Variants in LRRC4C observed in about 807,000 individuals in gnomAD.
LRRC4C encodes leucine rich repeat containing 4C.
A neutral mutation model predicts 33.6 loss-of-function variants in LRRC4C; 5 were observed. The ratio of observed to expected loss-of-function variants is 0.15; its 90% CI spans 0.08 to 0.31. The LOEUF is 0.31. Among genes scored for constraint, LRRC4C ranks in the 10% least tolerant of loss-of-function variants. The pLI is 1.00. For synonymous variants in LRRC4C, 329 were observed against 302.0 expected (o/e 1.09, Z -0.93); for missense variants, 560 against 796.7 (o/e 0.70, Z 3.58).
intron 1 of LRRC4C, among the ~76,000 whole-genome samples, chr11:41,456,419 C>T (rs1956172703): frequency 6.6e-6 from 1 of 151,914 alleles, no homozygotes; most frequent in Non-Finnish European, 1.5e-5. Context: ...TTCCAGCTGT[C>T]AACCCTGTTT....
chr11:40,467,281 T>C (rs1952698379), intron 3 of LRRC4C, among the ~76,000 whole-genome samples: 1 of 152,176 alleles, frequency 6.6e-6, no homozygotes, highest in African/African-American at 2.4e-5. Context: ...ACTCATTCTT[T>C]AGCATTTTGT....
Position 40,115,324 on chromosome 11 carries a change from G to A in LRRC4C, c.969C>T (p.Asn323=). The A allele has an allele frequency of 2.5e-6, 4 of 1,614,140 alleles. No homozygotes were observed. Among genetic ancestry groups the A allele is most frequent in the Non-Finnish European group, 2.5e-6 (3 of 1,180,020 alleles). The part of the protein sequence containing the change: ...SWWIKDMAPS[N]TACCARCNTP... Reference sequence around the variant, plus strand: ...TGTTACACCGGGCACAACAAGCTGTGTTCGAGGGGGCCATGTCTTTTATCC... The same window carrying A: ...TGTTACACCGGGCACAACAAGCTGTATTCGAGGGGGCCATGTCTTTTATCC... The change falls in exon 7 of 7, where the codon AAC becomes AAT. Residue 323 remains asparagine (N), a synonymous_variant. Transcript: ENST00000528697. This position sits in a 1 kb window ranked among gnomAD's most constrained non-coding sequence, Gnocchi z 6.7.
intron 4 of LRRC4C, among the ~76,000 whole-genome samples, chr11:40,264,824 C>A (rs1274990292): frequency 6.6e-6 from 1 of 152,180 alleles, no homozygotes; most frequent in Admixed American, 6.5e-5. Context: ...CATCCAGATG[C>A]TCCAGTCTGC....
chr11:41,084,299 T>C (rs899556368), intron 1 of LRRC4C, among the ~76,000 whole-genome samples: 7 of 152,192 alleles, frequency 4.6e-5, no homozygotes, highest in Non-Finnish European at 8.8e-5. Flanking sequence ...ACTAGCTTTG[T>C]GATCTTGGGC....
chr11:40,362,423 A>G (rs1947997933), intron 3 of LRRC4C, among the ~76,000 whole-genome samples: 1 of 152,194 alleles, frequency 6.6e-6, no homozygotes, highest in Non-Finnish European at 1.5e-5. Flanking sequence ...ACAAGAAAAA[A>G]AAACATTAAA....
At chr11:40,189,295 A>G (rs1206732609) in intron 5 of LRRC4C, among the ~76,000 whole-genome samples, 1 of 152,096 alleles carries the variant, frequency 6.6e-6, no homozygotes, top group African/African-American at 2.4e-5. Flanking sequence ...TAAAATTGTT[A>G]TTACAAATTG....
At chr11:41,258,899 G>T (rs1384329700) in intron 1 of LRRC4C, among the ~76,000 whole-genome samples, 2 of 151,928 alleles carry the variant, frequency 1.3e-5, no homozygotes, top group East Asian at 3.9e-4. Context: ...AATCCCCACT[G>T]TTTCTAGTAC....
At chr11:40,956,835 C>T (rs1377542071) in intron 1 of LRRC4C, among the ~76,000 whole-genome samples, 1 of 151,556 alleles carries the variant, frequency 6.6e-6, no homozygotes, top group Non-Finnish European at 1.5e-5. Flanking sequence ...TAAGAAATCT[C>T]TTCATAGGCA....
At chr11:40,772,258 G>A (rs777058066) in intron 2 of LRRC4C, among the ~76,000 whole-genome samples, 3 of 152,126 alleles carry the variant, frequency 2.0e-5, no homozygotes, top group Non-Finnish European at 2.9e-5. Flanking sequence ...TGGGGAATAA[G>A]CCTCTTATAA....
chr11:40,496,916 A>G (rs529655777), intron 3 of LRRC4C, among the ~76,000 whole-genome samples: 16 of 152,312 alleles, frequency 1.1e-4, no homozygotes, highest in African/African-American at 3.8e-4. Flanking sequence ...AATGCTATGG[A>G]AAGTGATGGC....
chr11:41,187,213 A>C (rs1319912452), intron 1 of LRRC4C, among the ~76,000 whole-genome samples: 1 of 152,170 alleles, frequency 6.6e-6, no homozygotes, highest in Non-Finnish European at 1.5e-5. Flanking sequence ...TTCTGTTTTC[A>C]TGCCCAAATG....
At chr11:41,293,317 G>A (rs577601573) in intron 1 of LRRC4C, among the ~76,000 whole-genome samples, 6 of 152,012 alleles carry the variant, frequency 3.9e-5, no homozygotes, top group African/African-American at 1.4e-4. Flanking sequence ...ATGTTCTATA[G>A]TAATTACTGA....
At chr11:40,367,047 C>A (rs922698848) in intron 3 of LRRC4C, among the ~76,000 whole-genome samples, 1 of 152,042 alleles carries the variant, frequency 6.6e-6, no homozygotes, top group Admixed American at 6.6e-5. Flanking sequence ...GGAATGAAGG[C>A]ACAGATGTGA....
chr11:40,788,821 C>T (rs547136309), intron 2 of LRRC4C, among the ~76,000 whole-genome samples: 2 of 152,168 alleles, frequency 1.3e-5, no homozygotes, highest in East Asian at 1.9e-4. Flanking sequence ...AGGCCGGGCA[C>T]GGTGGCTCAC....
intron 3 of LRRC4C, 68 bp downstream of exon 3, chr11:40,648,074 A>G (rs1023037197): frequency 1.2e-4 from 18 of 152,190 alleles, no homozygotes; most frequent in African/African-American, 4.1e-4. Flanking sequence ...TCTGAAATGT[A>G]ATTAACAACC....
At chr11:40,927,753 C>T (rs943312348) in intron 2 of LRRC4C, among the ~76,000 whole-genome samples, 1 of 151,760 alleles carries the variant, frequency 6.6e-6, no homozygotes, top group African/African-American at 2.4e-5. Flanking sequence ...TCTATTATTA[C>T]AACTAAATTG....
intron 2 of LRRC4C, among the ~76,000 whole-genome samples, chr11:40,825,404 G>A (rs1952118154): frequency 6.6e-6 from 1 of 151,938 alleles, no homozygotes; most frequent in African/African-American, 2.4e-5. Context: ...CCTCATTGGA[G>A]TACTGCCTAG....
At position 41,264,003 on chromosome 11, in the gene LRRC4C, T is replaced by G. The variant is rs112160021; in HGVS notation, c.-496+195428A>C. ...TGTCTATCATCCAGAATCAATCTAC[T>G]TGATACTTCTAATTTATCATAAAGT... is the stretch of plus-strand genomic sequence containing the variant. On this transcript the variant is annotated intron_variant, in intron 1 of 6. Coordinates refer to ENST00000528697, the MANE Select transcript of LRRC4C (RefSeq NM_001258419.2). Among the ~76,000 whole-genome samples, 852 of 152,232 alleles carry G rather than the reference T, an allele frequency of 5.6e-3. 4 individuals are homozygous for G. The highest frequency in any genetic ancestry group is 0.018 in the African/African-American group (765 of 41,556).
chr11:41,151,050 C>T (rs1943977851), intron 1 of LRRC4C, among the ~76,000 whole-genome samples: 1 of 151,676 alleles, frequency 6.6e-6, no homozygotes, highest in African/African-American at 2.4e-5. Flanking sequence ...ACACACACAG[C>T]AAATACAACT....
Sources: gnomAD v4.1 joint callset for allele counts (sites outside exome capture counted in the v4.1 genomes callset) on GRCh38, gnomAD v4.1.1 for gene constraint, Gnocchi (gnomAD v3.1) non-coding constraint, MANE v1.5 for transcripts, NCBI Gene and HGNC (gene_info 2026-07-23, HGNC 2026-07-21) for gene names.